ANK3: variants seen among roughly 807,000 people sequenced by gnomAD.
The protein encoded by ANK3 is ankyrin-3.
A neutral mutation model predicts 370.9 loss-of-function variants in ANK3; 57 were observed. That is an observed-to-expected ratio of 0.15 (90% CI 0.12 to 0.19). The LOEUF is 0.19. ANK3 is among the 10% of genes least tolerant of loss of function. The pLI is 1.00. For missense variants in ANK3, 4,439 were observed against 5,302.1 expected (o/e 0.84, Z 5.06); for synonymous variants, 1,929 against 1,946.3 (o/e 0.99, Z 0.23).
intron 2 of ANK3, among the ~76,000 whole-genome samples, chr10:60,408,497 G>A (rs1329063586): frequency 2.6e-5 from 4 of 152,018 alleles, no homozygotes; most frequent in Admixed American, 1.3e-4. Flanking sequence ...GAAAGCTCCC[G>A]GAGGCCTCCC....
At chr10:60,157,059 T>C (rs2095352506) in intron 23 of ANK3, among the ~76,000 whole-genome samples, 1 of 135,548 alleles carries the variant, frequency 7.4e-6, no homozygotes, top group South Asian at 2.4e-4. Flanking sequence ...TTTTTCGAGA[T>C]AGAGTTTCAC....
chr10:60,500,598 C>T (rs1007501719), intron 2 of ANK3, among the ~76,000 whole-genome samples: 1 of 152,092 alleles, frequency 6.6e-6, no homozygotes, highest in Non-Finnish European at 1.5e-5. Flanking sequence ...GATAACAAAG[C>T]CACCCTAGAA....
chr10:60,561,144 C>T (rs766379046), intron 2 of ANK3, among the ~76,000 whole-genome samples: 5 of 152,074 alleles, frequency 3.3e-5, no homozygotes, highest in Admixed American at 6.6e-5. Context: ...AAGGAATTAG[C>T]GTGGTTTGCT....
intron 2 of ANK3, among the ~76,000 whole-genome samples, chr10:60,610,234 AG>A (rs1200870291): frequency 6.6e-6 from 1 of 152,184 alleles, no homozygotes; most frequent in Non-Finnish European, 1.5e-5. Context: ...CCCCTTTTGT[AG>A]AAAGATTGCT....
intron 23 of ANK3, chr10:60,145,888 A>C: frequency 2.9e-6 from 2 of 695,562 alleles, no homozygotes; most frequent in South Asian, 3.1e-5. Flanking sequence ...TGCTCAATAA[A>C]TGTGGAATGA....
chr10:60,271,994 A>C (rs1234350585), intron 4 of ANK3, among the ~76,000 whole-genome samples: 1 of 151,570 alleles, frequency 6.6e-6, no homozygotes, highest in Non-Finnish European at 1.5e-5. Context: ...TGTCTACCTG[A>C]TAATATCTCT....
chr10:60,515,034 A>G (rs1436521915), intron 2 of ANK3, among the ~76,000 whole-genome samples: 2 of 152,148 alleles, frequency 1.3e-5, no homozygotes, highest in African/African-American at 4.8e-5. Context: ...TCGGATAAAT[A>G]AATGTGAATA....
intron 23 of ANK3, among the ~76,000 whole-genome samples, chr10:60,156,546 A>C (rs2393615): frequency 0.61 from 92,825 of 151,884 alleles, 28,452 homozygotes; most frequent in Middle Eastern, 0.65. Context: ...GAGTGACCGC[A>C]TTATCCCTCC....
chr10:60,326,568 T>A (rs2049921216), intron 1 of ANK3, among the ~76,000 whole-genome samples: 1 of 152,118 alleles, frequency 6.6e-6, no homozygotes, highest in Non-Finnish European at 1.5e-5. Flanking sequence ...CTCCCTCCTT[T>A]CAGTCATAGT....
chr10:60,092,802 C>G (rs570359766), intron 28 of ANK3, among the ~76,000 whole-genome samples: 2 of 152,350 alleles, frequency 1.3e-5, no homozygotes, highest in South Asian at 4.1e-4. Flanking sequence ...GGGGCATGAT[C>G]TCAGCTCACT....
intron 28 of ANK3, among the ~76,000 whole-genome samples, chr10:60,094,475 G>C (rs116218073): frequency 2.9e-4 from 44 of 152,064 alleles, no homozygotes; most frequent in African/African-American, 1.0e-3. Flanking sequence ...GGCATGACCC[G>C]TGAAAACCAC....
intron 1 of ANK3, among the ~76,000 whole-genome samples, chr10:60,283,727 C>T (rs545117138): frequency 4.6e-5 from 7 of 151,930 alleles, no homozygotes; most frequent in African/African-American, 7.3e-5. Flanking sequence ...GCATCTTTAC[C>T]GGCAGTGGAA....
rs114968377 is a variant in ANK3, at chr10:60,602,108, G to A, written c.96+13078C>T. On this transcript the variant is annotated intron_variant, in intron 2 of 43. Transcript: ENST00000373827. ...TTAATACAGGGCTTACCATGTGTCAGGCATGACTCTAAGTGTTATATATGG... is the reference window on the plus strand; with the variant it reads ...TTAATACAGGGCTTACCATGTGTCAAGCATGACTCTAAGTGTTATATATGG... Among the ~76,000 whole-genome samples, 1,201 of 152,126 alleles carry A rather than the reference G, an allele frequency of 7.9e-3. 15 individuals carry two copies. Among genetic ancestry groups the A allele is most frequent in the African/African-American group, 0.024 (1,005 of 41,510 alleles).
At chr10:60,655,117 TAATGATAATAAAC>T (rs1348723017) in intron 1 of ANK3, among the ~76,000 whole-genome samples, 1 of 152,088 alleles carries the variant, frequency 6.6e-6, no homozygotes, top group African/African-American at 2.4e-5. Flanking sequence ...TATTACCTGA[TAATGATAATAAAC>T]AATTATGTTA....
At chr10:60,444,428 ACG>A (rs1491586237) in intron 2 of ANK3, among the ~76,000 whole-genome samples, 1 of 122,356 alleles carries the variant, frequency 8.2e-6, no homozygotes, top group Admixed American at 8.3e-5. Flanking sequence ...TATATAACAT[ACG>A]TGTGTGTGTG....
At chr10:60,087,473 G>C (rs562092429) in intron 29 of ANK3, among the ~76,000 whole-genome samples, 1 of 152,296 alleles carries the variant, frequency 6.6e-6, no homozygotes, top group South Asian at 2.1e-4. Flanking sequence ...ACTTATTAAA[G>C]GTCATCTCAG....
chr10:60,558,844 A>C (rs570666554), intron 2 of ANK3, among the ~76,000 whole-genome samples: 119 of 152,304 alleles, frequency 7.8e-4, no homozygotes, highest in African/African-American at 2.7e-3. Flanking sequence ...ACAGCTCAAA[A>C]GACAAATTTC....
At chr10:60,409,580 T>A (rs1052731123) in intron 2 of ANK3, among the ~76,000 whole-genome samples, 1 of 152,144 alleles carries the variant, frequency 6.6e-6, no homozygotes. Flanking sequence ...GGAGTCGGGC[T>A]CCTTCTGTTT....
At chr10:60,127,715 T>TTGG (rs11417966) in intron 25 of ANK3, among the ~76,000 whole-genome samples, 1 of 141,348 alleles carries the variant, frequency 7.1e-6, no homozygotes, top group Non-Finnish European at 1.5e-5. Context: ...TTTTTTTTTT[T>TTGG]GGAGACAGAG....
Sources: allele counts gnomAD v4.1 joint callset (sites outside exome capture counted in the v4.1 genomes callset), GRCh38; gene constraint gnomAD v4.1.1; transcripts MANE v1.5; gene names NCBI Gene and HGNC (gene_info 2026-07-23, HGNC 2026-07-21).